The following IFI44L variants were observed in gnomAD, a reference collection of about 807,000 sequenced individuals.
IFI44L encodes the protein interferon induced protein 44 like.
A neutral mutation model predicts 39.3 loss-of-function variants in IFI44L; 40 were observed. That is an observed-to-expected ratio of 1.02 (90% CI 0.79 to 1.33). IFI44L has a LOEUF of 1.33. Among genes scored for constraint, IFI44L ranks in the 40% most tolerant of loss-of-function variants. The pLI, the probability that IFI44L is intolerant of heterozygous loss-of-function variation, is 0.00. For missense variants in IFI44L, 623 were observed against 549.0 expected (o/e 1.13, Z -1.35); for synonymous variants, 198 against 182.3 (o/e 1.09, Z -0.69).
At chr1:78,622,038 T>A (rs1261271317) in intron 1 of IFI44L, among the ~76,000 whole-genome samples, 3 of 152,294 alleles carry the variant, frequency 2.0e-5, no homozygotes, top group African/African-American at 7.2e-5. Flanking sequence ...TCTATTTAAC[T>A]GTATATTTGT....
chr1:78,645,384 A>G lies in IFI44L; in HGVS notation c.*3575A>G, dbSNP rs1311161762. The G allele has an allele frequency of 6.6e-6, 1 of 152,240 alleles. No individual in the cohort carries two copies. Among genetic ancestry groups the G allele is most frequent in the East Asian group, 1.9e-4 (1 of 5,204 alleles). 9.4% of individuals were successfully genotyped at this position (152,240 alleles called of 1,614,324 possible). On this transcript the variant is annotated 3_prime_UTR_variant, in exon 9 of 9. Transcript: ENST00000370751. ...CTACACTTCTTCCTTTTAGGTCAACAATACCAAGAGGGGTTACTGTGCTGG... is the reference window on the plus strand; with the variant it reads ...CTACACTTCTTCCTTTTAGGTCAACGATACCAAGAGGGGTTACTGTGCTGG...
intron 1 of IFI44L, 119 bp from the exon 2 acceptor site, chr1:78,627,787 A>G: frequency 4.2e-6 from 2 of 473,564 alleles, no homozygotes; most frequent in Non-Finnish European, 6.8e-6. Flanking sequence ...TGCCTTAACC[A>G]AACAATGTGT....
chr1:78,626,412 T>G (rs982301712), intron 1 of IFI44L: 31 of 152,218 alleles, frequency 2.0e-4, no homozygotes, highest in African/African-American at 4.8e-4. Context: ...CTCTTGGTTT[T>G]CTATCATGTT....
chr1:78,635,610 A>G, intron 5 of IFI44L, 121 bp downstream of exon 5: 2 of 789,006 alleles, frequency 2.5e-6, no homozygotes, highest in Non-Finnish European at 4.2e-6. Flanking sequence ...AATCAACACT[A>G]TTCTACTTTG....
At chr1:78,621,492 G>A (rs1652271763) in intron 1 of IFI44L, among the ~76,000 whole-genome samples, 1 of 151,994 alleles carries the variant, frequency 6.6e-6, no homozygotes, top group Non-Finnish European at 1.5e-5. Context: ...GGCTGGTCTT[G>A]AACTCCTGAC....
intron 1 of IFI44L, 196 bp from the exon 2 acceptor site, chr1:78,627,710 C>T: frequency 2.8e-6 from 1 of 353,508 alleles, no homozygotes; most frequent in East Asian, 4.2e-5. Context: ...AATGACTTTT[C>T]CTTTCTAAAT....
At chr1:78,624,007 T>C (rs186052063) in intron 1 of IFI44L, among the ~76,000 whole-genome samples, 1 of 152,256 alleles carries the variant, frequency 6.6e-6, no homozygotes, top group Admixed American at 6.5e-5. Context: ...TTTCTTTTTT[T>C]CCTTTCTTTT....
In IFI44L at chr1:78,629,803, G is replaced by T; in HGVS notation, c.611G>T (p.Gly204Val). Residue 204 changes from glycine (G) to valine (V), a missense_variant, in exon 4 of 9, where the codon GGT (glycine) becomes GTT (valine). By Grantham distance (109) the Gly-to-Val change is moderately radical (BLOSUM62 -3). Transcript: ENST00000370751. ...TCAGAAATTCGTATTCTTTTGGTGG[G>T]TCCAGTTGGGTCTGGAAAGTCCAGT... ...LVSEIRILLVGPVGSGKSSFF... is the reference protein window; with the variant it reads ...LVSEIRILLVVPVGSGKSSFF... 1 of 1,613,716 alleles carries T rather than the reference G, an allele frequency of 6.2e-7. No homozygotes were observed. The highest frequency in any genetic ancestry group is 8.5e-7 in the Non-Finnish European group (1 of 1,179,744).
chr1:78,637,291 T>C, intron 6 of IFI44L, 88 bp downstream of exon 6: 3 of 976,260 alleles, frequency 3.1e-6, no homozygotes, highest in African/African-American at 1.7e-5. Context: ...AGATTTCCCA[T>C]GTACCTTTCA....
chr1:78,623,542 T>TA (rs999312259), intron 1 of IFI44L, among the ~76,000 whole-genome samples: 24 of 151,170 alleles, frequency 1.6e-4, no homozygotes, highest in African/African-American at 4.1e-4. Context: ...AAAATAAAAT[T>TA]AAAAAAAAAC....
rs772574575 is a variant in IFI44L, at chr1:78,628,108, A to G, written c.193A>G (p.Met65Val). The change falls in exon 2 of 9, where the codon ATG becomes GTG. Residue 65 changes from methionine (M) to valine (V), a missense_variant. Met to Val is a conservative substitution (Grantham distance 21, BLOSUM62 1). Transcript: ENST00000370751. Reference protein sequence around the residue: ...YIDYNMIVAFMLGNYINLHES... With the variant: ...YIDYNMIVAFVLGNYINLHES... Reference sequence around the variant, plus strand: ...TGATTACAATATGATTGTAGCCTTTATGCTTGGAAATTATATTAATTTACA... The same window carrying G: ...TGATTACAATATGATTGTAGCCTTTGTGCTTGGAAATTATATTAATTTACA... 24 of 1,612,580 alleles carry G rather than the reference A, an allele frequency of 1.5e-5. No individual in the cohort carries two copies. The Admixed American group carries it at 3.3e-4, about 22-fold the overall frequency.
chr1:78,640,269 A>G (rs372377422), intron 6 of IFI44L, among the ~76,000 whole-genome samples: 2 of 152,104 alleles, frequency 1.3e-5, no homozygotes, highest in South Asian at 4.1e-4. Flanking sequence ...GAAGAATTAC[A>G]TTGCAACAGA....
At chr1:78,638,636 G>T (rs1308748906) in intron 6 of IFI44L, among the ~76,000 whole-genome samples, 2 of 151,874 alleles carry the variant, frequency 1.3e-5, no homozygotes, top group Non-Finnish European at 2.9e-5. Context: ...GGGTATTATG[G>T]TTTTTTAGCT....
In IFI44L at chr1:78,641,126, A is replaced by G. The variant is rs760215921; in HGVS notation, c.1149+5A>G. 1 of 1,581,906 alleles carries G rather than the reference A, an allele frequency of 6.3e-7. No individual in the cohort carries two copies. Among genetic ancestry groups the G allele is most frequent in the East Asian group, 2.2e-5 (1 of 44,654 alleles). On this transcript the variant is annotated splice_donor_5th_base_variant and intron_variant, in intron 7 of 8. Coordinates refer to ENST00000370751, the MANE Select transcript of IFI44L (RefSeq NM_006820.4). ...TCTATGACTTCTCAAAGCCGGGTAA[A>G]AAATGCTGATCATAACCAGATATTA...
chr1:78,631,387 G>A (rs922892709), intron 4 of IFI44L: 7 of 152,084 alleles, frequency 4.6e-5, no homozygotes, highest in African/African-American at 1.7e-4. Flanking sequence ...AATCTTCAGT[G>A]GGATTACGCC....
chr1:78,632,989 C>A (rs1652809553), intron 4 of IFI44L, among the ~76,000 whole-genome samples: 1 of 152,128 alleles, frequency 6.6e-6, no homozygotes, highest in South Asian at 2.1e-4. Flanking sequence ...ATAGGTCTCT[C>A]CAGCAATCAT....
At chr1:78,620,688 C>T (rs1652242550) in intron 1 of IFI44L, 117 bp downstream of exon 1, 1 of 152,162 alleles carries the variant, frequency 6.6e-6, no homozygotes, top group African/African-American at 2.4e-5. Context: ...AAATCCATCA[C>T]CTCAACCATT....
chr1:78,630,788 G>A (rs927797124), intron 4 of IFI44L, among the ~76,000 whole-genome samples: 3 of 152,108 alleles, frequency 2.0e-5, no homozygotes, highest in African/African-American at 7.2e-5. Context: ...ATTTGTTGAT[G>A]TTGGCCAGAT....
At chr1:78,635,004 G>A (rs1466327678) in intron 4 of IFI44L, among the ~76,000 whole-genome samples, 1 of 75,910 alleles carries the variant, frequency 1.3e-5, no homozygotes, top group African/African-American at 5.4e-5. Flanking sequence ...ATATATATGT[G>A]TGTGTGTGTG....
Sources: allele counts gnomAD v4.1 joint callset (sites outside exome capture counted in the v4.1 genomes callset), GRCh38; gene constraint gnomAD v4.1.1; transcripts MANE v1.5; gene names NCBI Gene and HGNC (gene_info 2026-07-23, HGNC 2026-07-21).